The following NCKAP1L variants were observed in gnomAD, a reference collection of about 807,000 sequenced individuals.
NCKAP1L encodes the protein NCK associated protein 1 like, also known as nck-associated protein 1-like.
NCKAP1L carries 53 observed loss-of-function variants against 139.2 expected under a neutral mutation model. The ratio of observed to expected loss-of-function variants is 0.38; its 90% CI spans 0.31 to 0.48. NCKAP1L has a LOEUF of 0.48. Ranked by LOEUF, NCKAP1L falls within the 20% of genes least tolerant of loss-of-function variation. The pLI is 0.98. For synonymous variants in NCKAP1L, 468 were observed against 499.7 expected (o/e 0.94, Z 0.85); for missense variants, 1,151 against 1,381.9 (o/e 0.83, Z 2.65).
In NCKAP1L at chr12:54,546,899, C is replaced by T. The variant is rs1957202259; in HGVS notation, c.*4214C>T. On this transcript the variant is annotated 3_prime_UTR_variant, in exon 31 of 31. Coordinates refer to ENST00000293373, the MANE Select transcript of NCKAP1L (RefSeq NM_005337.5). ...GAAGGAGAGGATTGTGAGGCTGCCC[C>T]TTTAAATAGCATTCCCGTAGGAGGC... The T allele has an allele frequency of 6.6e-6, 1 of 152,202 alleles. No homozygotes were observed. Among genetic ancestry groups the T allele is most frequent in the South Asian group, 2.1e-4 (1 of 4,830 alleles). 9.4% of individuals were successfully genotyped at this position (152,202 alleles called of 1,614,324 possible). A position where few individuals can be genotyped will look rare whatever the true frequency, so the allele number is the denominator to read the frequency against.
At chr12:54,512,138 T>C (rs761394859) in intron 9 of NCKAP1L, 33 bp downstream of exon 9, 3 of 1,606,364 alleles carry the variant, frequency 1.9e-6, no homozygotes, top group Non-Finnish European at 2.6e-6. Flanking sequence ...TGATCTTCCT[T>C]GAATAGTTTT....
At position 54,516,292 on chromosome 12, in the gene NCKAP1L, A is replaced by T. The variant is rs1215768758; in HGVS notation, c.995A>T (p.Asn332Ile). The T allele has an allele frequency of 6.2e-7, 1 of 1,613,930 alleles. No homozygotes were observed. The highest frequency in any genetic ancestry group is 1.1e-5 in the South Asian group (1 of 91,086). Residue 332 changes from asparagine (N) to isoleucine (I), a missense_variant, in exon 10 of 31, where the codon AAC becomes ATC. Coordinates refer to ENST00000293373, the MANE Select transcript of NCKAP1L (RefSeq NM_005337.5). ...GAGAGCAAGGAACATGTAATTGCAA[A>T]CAGGTAAAGGGTGGTGAATGCACTC... is the stretch of plus-strand genomic sequence containing the variant. ...IKESKEHVIANSGQFHCQRRQ... is the reference protein window; with the variant it reads ...IKESKEHVIAISGQFHCQRRQ...
rs536691858 is a variant in NCKAP1L at position 54,547,476 on chromosome 12, T to C, written c.*4791T>C. ...TAGAGTGGATGAACTCTAATGTCTC[T>C]TTCACGAATAACTTTGTGTGTGTGT... On this transcript the variant is annotated 3_prime_UTR_variant, in exon 31 of 31. Coordinates refer to ENST00000293373, the MANE Select transcript of NCKAP1L (RefSeq NM_005337.5). 2 of 150,890 alleles carry C rather than the reference T, an allele frequency of 1.3e-5. No homozygotes were observed. Among genetic ancestry groups the C allele is most frequent in the African/African-American group, 4.9e-5 (2 of 40,990 alleles). The allele number at this position is 150,890 out of a possible 1,614,324, so 9.3% of individuals were successfully genotyped here.
chr12:54,522,243 A>G (rs1239663337), intron 18 of NCKAP1L, among the ~76,000 whole-genome samples: 5 of 152,238 alleles, frequency 3.3e-5, no homozygotes, highest in African/African-American at 7.2e-5. Context: ...TATGCAAATG[A>G]GTACAATTGC....
chr12:54,507,651 G>C (rs1327659577), intron 3 of NCKAP1L, among the ~76,000 whole-genome samples: 1 of 152,124 alleles, frequency 6.6e-6, no homozygotes, highest in African/African-American at 2.4e-5. Context: ...TGGAAATGTA[G>C]GCATTTGGCA....
At position 54,531,606 on chromosome 12, in the gene NCKAP1L, A is replaced by G. The variant is rs1957072442; in HGVS notation, c.2698+22A>G. 3.7e-6 allele frequency: 6 copies of G among 1,611,982 alleles called. No individual in the cohort carries two copies. The Admixed American group carries it at 1.0e-4, about 27-fold the overall frequency. On this transcript the variant is annotated intron_variant, in intron 24 of 30. Transcript: ENST00000293373. ...ACAGGTAAGCATCCTCTTCCCCTAT[A>G]GTGAGAAGGAGCTGTGGAATCACAT...
chr12:54,527,217 G>T (rs1957033498), intron 21 of NCKAP1L, among the ~76,000 whole-genome samples: 11 of 152,188 alleles, frequency 7.2e-5, no homozygotes, highest in Admixed American at 7.2e-4. Flanking sequence ...AACTGGAGAA[G>T]GTGGGAATCA....
At chr12:54,518,266 C>T (rs1197940992) in intron 13 of NCKAP1L, among the ~76,000 whole-genome samples, 4 of 151,706 alleles carry the variant, frequency 2.6e-5, no homozygotes, top group Non-Finnish European at 4.4e-5. Flanking sequence ...GGCGTGAACC[C>T]GAGAGGCAGA....
chr12:54,528,233 G>T lies in NCKAP1L; in HGVS notation c.2376-14G>T, dbSNP rs767630870. 3.1e-6 allele frequency: 5 copies of T among 1,612,734 alleles called. No individual in the cohort carries two copies. Among genetic ancestry groups the T allele is most frequent in the Non-Finnish European group, 4.2e-6 (5 of 1,179,268 alleles). On this transcript the variant is annotated splice_polypyrimidine_tract_variant and intron_variant, in intron 21 of 30. Transcript: ENST00000293373. ...ATTGGATCCTAATCTATGTTTTCTT[G>T]GCCAACCCTGTAGGTACCTGGAAAG...
At position 54,536,264 on chromosome 12, in the gene NCKAP1L, T is replaced by G; in HGVS notation, c.3073+19T>G. 1.3e-6 allele frequency: 2 copies of G among 1,522,272 alleles called. No homozygotes were observed. Among genetic ancestry groups the G allele is most frequent in the East Asian group, 4.5e-5 (2 of 44,362 alleles). The allele number at this position is 1,522,272 out of a possible 1,614,324, so 94.3% of individuals were successfully genotyped here. On this transcript the variant is annotated intron_variant, in intron 28 of 30. Coordinates refer to ENST00000293373, the MANE Select transcript of NCKAP1L (RefSeq NM_005337.5). Reference sequence around the variant, plus strand: ...AAGGATGGTAAGTAAGGGGTAGGTTTGAGACACCAGTGCTATTCAAGTTAG... The same window carrying G: ...AAGGATGGTAAGTAAGGGGTAGGTTGGAGACACCAGTGCTATTCAAGTTAG...
chr12:54,516,124 G>A, intron 9 of NCKAP1L, 115 bp from the exon 10 acceptor site: 1 of 978,158 alleles, frequency 1.0e-6, no homozygotes, highest in Non-Finnish European at 1.6e-6. Flanking sequence ...CTGCCTGTGA[G>A]GGCTGCCCAT....
At chr12:54,521,915 T>C (rs1956987006) in intron 18 of NCKAP1L, among the ~76,000 whole-genome samples, 1 of 151,920 alleles carries the variant, frequency 6.6e-6, no homozygotes, top group South Asian at 2.1e-4. Flanking sequence ...TGTGTGTGTG[T>C]ATACAGATGC....
chr12:54,527,212 G>A (rs941744037), intron 21 of NCKAP1L, among the ~76,000 whole-genome samples: 1 of 152,164 alleles, frequency 6.6e-6, no homozygotes, highest in Admixed American at 6.5e-5. Flanking sequence ...CCTGCAACTG[G>A]AGAAGGTGGG....
intron 27 of NCKAP1L, 40 bp downstream of exon 27, chr12:54,535,237 G>A (rs764207171): frequency 1.3e-6 from 2 of 1,487,770 alleles, no homozygotes; most frequent in Admixed American, 1.7e-5. Flanking sequence ...GGAAAGGAGG[G>A]CTTGGGCCTT....
rs370705182 is a variant in NCKAP1L at position 54,519,232 on chromosome 12, C to G, written c.1525C>G (p.Pro509Ala). 1 of 1,582,666 alleles carries G rather than the reference C, an allele frequency of 6.3e-7. No individual in the cohort carries two copies. Among genetic ancestry groups the G allele is most frequent in the East Asian group, 2.2e-5 (1 of 44,820 alleles). Residue 509 changes from proline to alanine, a missense_variant, in exon 16 of 31, where the codon CCT (proline) becomes GCT (alanine). By Grantham distance (27) the Pro-to-Ala change is conservative (BLOSUM62 -1). Transcript: ENST00000293373. ...AKAPLHLHEN[P>A]DLAKVMNLIV... is the part of the protein sequence containing the mutation. ...GGCCCCTCTGCACCTGCATGAGAACCCTGACTTAGCCAAGGTGATGAACCT... is the reference window on the plus strand; with the variant it reads ...GGCCCCTCTGCACCTGCATGAGAACGCTGACTTAGCCAAGGTGATGAACCT...
chr12:54,528,511 A>G, intron 22 of NCKAP1L, 134 bp downstream of exon 22: 3 of 1,084,858 alleles, frequency 2.8e-6, no homozygotes, highest in Non-Finnish European at 3.9e-6. Flanking sequence ...CAAAAACCAC[A>G]GTTACTTTTG....
chr12:54,503,616 T>C (rs1196965136), intron 3 of NCKAP1L, among the ~76,000 whole-genome samples: 1 of 151,408 alleles, frequency 6.6e-6, no homozygotes, highest in Non-Finnish European at 1.5e-5. Context: ...TATATATATA[T>C]ACACACACAT....
At chr12:54,510,383 G>C in intron 7 of NCKAP1L, 1 of 426,836 alleles carries the variant, frequency 2.3e-6, no homozygotes, top group Non-Finnish European at 4.6e-6. Flanking sequence ...GAGTACACTG[G>C]CATGATCACT....
intron 2 of NCKAP1L, 62 bp downstream of exon 2, chr12:54,499,527 TC>T: frequency 9.9e-7 from 1 of 1,011,574 alleles, no homozygotes; most frequent in Non-Finnish European, 1.6e-6. Context: ...GCTGAAATTC[TC>T]CTCTTTTGAT....
Sources: allele counts gnomAD v4.1 joint callset (sites outside exome capture counted in the v4.1 genomes callset), GRCh38; gene constraint gnomAD v4.1.1; transcripts MANE v1.5; gene names NCBI Gene and HGNC (gene_info 2026-07-23, HGNC 2026-07-21).